Variants in TMEFF1 observed in about 807,000 individuals in gnomAD.
TMEFF1 encodes the protein tomoregulin-1.
A neutral mutation model predicts 47.5 loss-of-function variants in TMEFF1; 20 were observed. The observed-to-expected ratio is 0.42, with a 90% confidence interval of 0.30 to 0.61. The LOEUF is 0.61. TMEFF1 is among the 20% of genes least tolerant of loss of function. TMEFF1 has a pLI of 0.19. For missense variants in TMEFF1, 411 were observed against 471.1 expected (o/e 0.87, Z 1.18); for synonymous variants, 162 against 166.3 (o/e 0.97, Z 0.20).
intron 1 of TMEFF1, among the ~76,000 whole-genome samples, chr9:100,477,715 T>G (rs1837261950): frequency 6.7e-6 from 1 of 149,514 alleles, no homozygotes; most frequent in African/African-American, 2.5e-5. Flanking sequence ...AACCTCTGCC[T>G]TCCAGGTTCA....
At chr9:100,568,967 CTCA>C (rs1325164992) in intron 8 of TMEFF1, among the ~76,000 whole-genome samples, 1 of 152,118 alleles carries the variant, frequency 6.6e-6, no homozygotes, top group East Asian at 1.9e-4. Context: ...TTTTAATCTA[CTCA>C]TCATCAGTTG....
intron 7 of TMEFF1, among the ~76,000 whole-genome samples, chr9:100,561,067 C>G (rs1474862526): frequency 6.6e-6 from 1 of 152,164 alleles, no homozygotes; most frequent in African/African-American, 2.4e-5. Context: ...CAGAGGTGAA[C>G]TTTCTTTTAG....
At chr9:100,511,163 T>C (rs985020014) in intron 3 of TMEFF1, among the ~76,000 whole-genome samples, 2 of 152,244 alleles carry the variant, frequency 1.3e-5, no homozygotes, top group Non-Finnish European at 2.9e-5. Flanking sequence ...GGTTCTTATA[T>C]ACTTCTTTAA....
chr9:100,533,217 A>G (rs1048358537), intron 5 of TMEFF1, among the ~76,000 whole-genome samples: 2 of 152,122 alleles, frequency 1.3e-5, no homozygotes, highest in Admixed American at 6.5e-5. Context: ...GTGCACATGT[A>G]CCGTAGAACT....
At chr9:100,563,544 G>A (rs1330186549) in intron 8 of TMEFF1, among the ~76,000 whole-genome samples, 3 of 152,184 alleles carry the variant, frequency 2.0e-5, no homozygotes, top group Non-Finnish European at 4.4e-5. Context: ...TGGAAGTTAC[G>A]TAAAATATCT....
At chr9:100,553,993 A>T (rs531829639) in intron 7 of TMEFF1, among the ~76,000 whole-genome samples, 2 of 152,266 alleles carry the variant, frequency 1.3e-5, no homozygotes, top group South Asian at 4.2e-4. Flanking sequence ...GACCATTTTG[A>T]TTCAAAGATA....
In TMEFF1 at chr9:100,473,567, C is replaced by T. The variant is rs1460466108; in HGVS notation, c.23C>T (p.Ala8Val). 2.6e-6 allele frequency: 4 copies of T among 1,539,218 alleles called. No individual in the cohort carries two copies. The highest frequency in any genetic ancestry group is 2.0e-5 in the Admixed American group (1 of 50,686). The change falls in exon 1 of 10, where the codon GCG (alanine) becomes GTG (valine). Residue 8 changes from alanine (A) to valine (V), a missense_variant. Ala to Val is a moderately conservative substitution (Grantham distance 64). Coordinates refer to ENST00000374879, the MANE Select transcript of TMEFF1 (RefSeq NM_003692.5). This position sits in a 1 kb window ranked among gnomAD's most constrained non-coding sequence, Gnocchi z 5.4. MGAAAAE[A>V]PLRLPAAPPL... ...GTCATGGGCGCCGCAGCCGCTGAGG[C>T]GCCGCTCCGGCTGCCTGCCGCGCCT...
intron 7 of TMEFF1, among the ~76,000 whole-genome samples, chr9:100,551,730 C>T (rs1396867093): frequency 6.6e-6 from 1 of 152,136 alleles, no homozygotes. Flanking sequence ...GGTCATTTTA[C>T]TGTTTGTAGT....
Position 100,561,509 on chromosome 9 carries a change from G to A in TMEFF1, c.888G>A (p.Lys296=). 6.2e-7 allele frequency: 1 copy of A among 1,611,892 alleles called. No homozygotes were observed. Among genetic ancestry groups the A allele is most frequent in the Non-Finnish European group, 8.5e-7 (1 of 1,179,182 alleles). ...GKCEFIYSTQ[K]ASCRCESGYT... is the part of the protein sequence containing the mutation. ...GTGAATTCATCTATTCTACTCAGAA[G>A]GCTTCTTGTAGGTAAGTCAGCGCTT... The change falls in exon 8 of 10, where the codon AAG becomes AAA. Residue 296 remains lysine (K), a synonymous_variant. Transcript: ENST00000374879.
Position 100,561,475 on chromosome 9 carries a change from A to G in TMEFF1, c.854A>G (p.His285Arg). 1 of 1,613,930 alleles carries G rather than the reference A, an allele frequency of 6.2e-7. No homozygotes were observed. The highest frequency in any genetic ancestry group is 1.3e-5 in the African/African-American group (1 of 75,040). ...CPENLNGYCI[H>R]GKCEFIYSTQ... ...GAAAACCTCAATGGTTACTGCATCC[A>G]TGGAAAATGTGAATTCATCTATTCT... Residue 285 changes from histidine to arginine, a missense_variant, in exon 8 of 10, where the codon CAT (histidine) becomes CGT (arginine). Physicochemically the swap from His to Arg is conservative, Grantham distance 29. Coordinates refer to ENST00000374879, the MANE Select transcript of TMEFF1 (RefSeq NM_003692.5).
In TMEFF1 at chr9:100,542,924, T is replaced by C. The variant is rs1838660046; in HGVS notation, c.561-4820T>C. 2.9e-4 allele frequency among the ~76,000 whole-genome samples: 14 copies of C among 48,890 alleles called. No homozygotes were observed. The South Asian group carries it at 6.9e-3, about 24-fold the overall frequency. 32.1% of individuals were successfully genotyped at this position (48,890 alleles called of 152,430 possible). A position where few individuals can be genotyped will look rare whatever the true frequency, so the allele number is the denominator to read the frequency against. On this transcript the variant is annotated intron_variant, in intron 5 of 9. Coordinates refer to ENST00000374879, the MANE Select transcript of TMEFF1 (RefSeq NM_003692.5). The stretch of plus-strand genomic sequence containing the variant: ...TGACTCTTCCATCTCTCTCTCTCTC[T>C]TTTTTTTTTTTTTTTTTTTTTGAGA...
chr9:100,531,353 A>G (rs1366549598), intron 5 of TMEFF1, among the ~76,000 whole-genome samples: 2 of 152,272 alleles, frequency 1.3e-5, no homozygotes, highest in African/African-American at 4.8e-5. Flanking sequence ...GTCTCAGCCC[A>G]AAATCTCCTT....
At position 100,473,620 on chromosome 9, in the gene TMEFF1, G is replaced by A; in HGVS notation, c.76G>A (p.Val26Met). Reference sequence around the variant, plus strand: ...GCTCGCCTTCTGCTGCTACACGTCGGTGCTTCTGCTCTTCGCCTTCTCTCT... The same window carrying A: ...GCTCGCCTTCTGCTGCTACACGTCGATGCTTCTGCTCTTCGCCTTCTCTCT... Reference protein sequence around the residue: ...PPLAFCCYTSVLLLFAFSLPG... With the variant: ...PPLAFCCYTSMLLLFAFSLPG... Residue 26 changes from valine to methionine, a missense_variant, in exon 1 of 10, where the codon GTG becomes ATG. Coordinates refer to ENST00000374879, the MANE Select transcript of TMEFF1 (RefSeq NM_003692.5). This position sits in a 1 kb window ranked among gnomAD's most constrained non-coding sequence, Gnocchi z 5.4. 6.4e-7 allele frequency: 1 copy of A among 1,560,394 alleles called. No homozygotes were observed. The highest frequency in any genetic ancestry group is 1.9e-5 in the Admixed American group (1 of 52,776).
At chr9:100,532,872 A>T (rs1484377755) in intron 5 of TMEFF1, among the ~76,000 whole-genome samples, 1 of 152,172 alleles carries the variant, frequency 6.6e-6, no homozygotes, top group East Asian at 1.9e-4. Flanking sequence ...GATTAAGAAA[A>T]TATGGCATAT....
At chr9:100,526,322 T>TC (rs35614428) in intron 5 of TMEFF1, among the ~76,000 whole-genome samples, 6 of 152,184 alleles carry the variant, frequency 3.9e-5, no homozygotes, top group African/African-American at 1.4e-4. Context: ...CTTACTGACT[T>TC]CCATTTTGAA....
At chr9:100,571,380 A>G (rs572148416) in intron 8 of TMEFF1, among the ~76,000 whole-genome samples, 1 of 152,280 alleles carries the variant, frequency 6.6e-6, no homozygotes, top group East Asian at 1.9e-4. Flanking sequence ...AATGCTAGCT[A>G]TATTATAGTC....
chr9:100,527,665 G>A (rs1427732022), intron 5 of TMEFF1, among the ~76,000 whole-genome samples: 3 of 152,180 alleles, frequency 2.0e-5, no homozygotes, highest in Admixed American at 6.5e-5. Flanking sequence ...GGCTGGGGGA[G>A]GGGCACCCGC....
rs956207886 is a variant in TMEFF1 at position 100,550,123 on chromosome 9, G to A, written c.738G>A (p.Lys246=). 5.0e-6 allele frequency: 8 copies of A among 1,611,614 alleles called. No individual in the cohort carries two copies. The highest frequency in any genetic ancestry group is 6.8e-6 in the Non-Finnish European group (8 of 1,179,104). Reference sequence around the variant, plus strand: ...CAGATGACACTAGTTTGTTGGGAAAGAAAGATGATGGACTACAATATCGAC... The same window carrying A: ...CAGATGACACTAGTTTGTTGGGAAAAAAAGATGATGGACTACAATATCGAC... ...TDTDDTSLLG[K]KDDGLQYRPD... Residue 246 remains lysine, a synonymous_variant, in exon 7 of 10, where the codon AAG becomes AAA. Coordinates refer to ENST00000374879, the MANE Select transcript of TMEFF1 (RefSeq NM_003692.5).
intron 1 of TMEFF1, among the ~76,000 whole-genome samples, chr9:100,476,515 C>T (rs1837230386): frequency 1.3e-5 from 2 of 151,982 alleles, no homozygotes; most frequent in African/African-American, 4.8e-5. Flanking sequence ...CTGCCTCAGC[C>T]TCCGGAGTAG....
Sources: gnomAD v4.1 joint callset for allele counts (sites outside exome capture counted in the v4.1 genomes callset) on GRCh38, gnomAD v4.1.1 for gene constraint, Gnocchi (gnomAD v3.1) non-coding constraint, MANE v1.5 for transcripts, NCBI Gene and HGNC (gene_info 2026-07-23, HGNC 2026-07-21) for gene names.